TACR3: variants seen among roughly 807,000 people sequenced by gnomAD.
TACR3 encodes tachykinin receptor 3.
A neutral mutation model predicts 35.0 loss-of-function variants in TACR3; 34 were observed. The observed-to-expected ratio is 0.97, with a 90% CI of 0.74 to 1.30. The LOEUF (loss-of-function observed/expected upper bound fraction) is 1.30. TACR3 is among the 50% of genes most tolerant of loss of function. The pLI is 0.00. For synonymous variants in TACR3, 233 were observed against 221.1 expected (o/e 1.05, Z -0.48); for missense variants, 558 against 591.7 (o/e 0.94, Z 0.59).
At chr4:103,648,311 T>G (rs1725503383) in intron 3 of TACR3, among the ~76,000 whole-genome samples, 1 of 152,108 alleles carries the variant, frequency 6.6e-6, no homozygotes, top group Admixed American at 6.6e-5. Context: ...TTTTTAGTAA[T>G]TTTAAATGTA....
chr4:103,601,805 G>A (rs1724209014), intron 3 of TACR3, among the ~76,000 whole-genome samples: 10 of 152,140 alleles, frequency 6.6e-5, no homozygotes, highest in Admixed American at 6.5e-4. Flanking sequence ...CTTTCTCTCT[G>A]GCTGCGCTTA....
At chr4:103,669,375 A>T (rs1260527728) in intron 1 of TACR3, among the ~76,000 whole-genome samples, 1 of 152,134 alleles carries the variant, frequency 6.6e-6, no homozygotes, top group Admixed American at 6.6e-5. Context: ...ATATATATCT[A>T]GCACTGGGCT....
intron 1 of TACR3, among the ~76,000 whole-genome samples, chr4:103,701,241 CT>C (rs1414898305): frequency 6.6e-6 from 1 of 151,962 alleles, no homozygotes; most frequent in East Asian, 1.9e-4. Context: ...CACAAGCATT[CT>C]TATACACCAA....
At chr4:103,627,398 C>T (rs1014971700) in intron 3 of TACR3, among the ~76,000 whole-genome samples, 4 of 147,750 alleles carry the variant, frequency 2.7e-5, no homozygotes, top group African/African-American at 1.0e-4. Flanking sequence ...GTGGTGTGCA[C>T]CTATAATCCT....
Position 103,719,229 on chromosome 4 carries a change from G to C in TACR3, c.447C>G (p.Ser149Arg), listed in dbSNP as rs1387259014. The change falls in exon 1 of 5, where the codon AGC (serine) becomes AGG (arginine). Residue 149 changes from serine to arginine, a missense_variant. Physicochemically the swap from Ser to Arg is moderately radical, Grantham distance 110 (BLOSUM62 -1). Transcript: ENST00000304883. ...AGTAGTTGGCGCCAAAGTACCACTCGCTATGAAGCGCGTAGATGAAATTGA... is the reference window on the plus strand; with the variant it reads ...AGTAGTTGGCGCCAAAGTACCACTCCCTATGAAGCGCGTAGATGAAATTGA... ...TLVNFIYALH[S>R]EWYFGANYCR... 6.2e-6 allele frequency: 10 copies of C among 1,614,100 alleles called. No homozygotes were observed. The highest frequency in any genetic ancestry group is 8.5e-6 in the Non-Finnish European group (10 of 1,180,054).
chr4:103,600,028 T>C (rs2110289551), intron 3 of TACR3, among the ~76,000 whole-genome samples: 1 of 152,258 alleles, frequency 6.6e-6, no homozygotes, highest in Non-Finnish European at 1.5e-5. Flanking sequence ...TCAGAAGGAA[T>C]GGTATCAGCT....
intron 1 of TACR3, among the ~76,000 whole-genome samples, chr4:103,689,159 C>G (rs955305699): frequency 6.1e-5 from 9 of 147,596 alleles, no homozygotes; most frequent in African/African-American, 2.3e-4. Flanking sequence ...AACAAAAAAC[C>G]AAACACCGCA....
intron 1 of TACR3, among the ~76,000 whole-genome samples, chr4:103,704,952 C>T (rs765874763): frequency 1.3e-5 from 2 of 152,138 alleles, no homozygotes; most frequent in Admixed American, 6.5e-5. Context: ...TGGCTATATT[C>T]AAATATGTAA....
chr4:103,646,585 G>C (rs1314605780), intron 3 of TACR3, among the ~76,000 whole-genome samples: 2 of 151,940 alleles, frequency 1.3e-5, no homozygotes, highest in African/African-American at 4.8e-5. Flanking sequence ...GGCCAGTGTT[G>C]TAGATAGTTA....
At chr4:103,714,641 GTATAAC>G (rs1159001436) in intron 1 of TACR3, among the ~76,000 whole-genome samples, 11 of 152,100 alleles carry the variant, frequency 7.2e-5, no homozygotes, top group Admixed American at 2.0e-4. Flanking sequence ...AGTGAGTCAA[GTATAAC>G]TATAACACTA....
At chr4:103,695,186 A>G (rs988567877) in intron 1 of TACR3, among the ~76,000 whole-genome samples, 2 of 152,132 alleles carry the variant, frequency 1.3e-5, no homozygotes. Flanking sequence ...TCTTTTCAGT[A>G]TGTGTTTTCT....
intron 3 of TACR3, among the ~76,000 whole-genome samples, chr4:103,612,064 TTACCCTC>T (rs1275279140): frequency 6.6e-6 from 1 of 152,162 alleles, no homozygotes; most frequent in African/African-American, 2.4e-5. Flanking sequence ...GTAAAATAGA[TTACCCTC>T]TACTTAAAAT....
intron 1 of TACR3, among the ~76,000 whole-genome samples, chr4:103,695,867 C>T (rs1722510631): frequency 6.6e-6 from 1 of 152,076 alleles, no homozygotes; most frequent in Non-Finnish European, 1.5e-5. Flanking sequence ...TGAGTTATCA[C>T]AAATTATTTC....
chr4:103,639,455 G>C (rs545867868), intron 3 of TACR3, among the ~76,000 whole-genome samples: 2 of 152,116 alleles, frequency 1.3e-5, no homozygotes, highest in Non-Finnish European at 2.9e-5. Context: ...GTGGGGAGAG[G>C]GGGGAGGGAT....
chr4:103,695,991 C>A (rs757776469), intron 1 of TACR3, among the ~76,000 whole-genome samples: 2 of 151,978 alleles, frequency 1.3e-5, no homozygotes, highest in Non-Finnish European at 2.9e-5. Flanking sequence ...TTCTTTCTCC[C>A]TTTTTTTCTT....
chr4:103,617,100 C>G (rs1335857982), intron 3 of TACR3, among the ~76,000 whole-genome samples: 2 of 152,206 alleles, frequency 1.3e-5, no homozygotes, highest in East Asian at 3.9e-4. Context: ...TCACAATGTT[C>G]ACTAAGCAAC....
intron 1 of TACR3, among the ~76,000 whole-genome samples, chr4:103,711,111 A>G (rs1324995368): frequency 3.3e-5 from 5 of 152,340 alleles, no homozygotes; most frequent in African/African-American, 1.2e-4. Context: ...CAACCAGTAG[A>G]AAAAGAGGGA....
At chr4:103,668,769 A>T (rs1488444625) in intron 1 of TACR3, among the ~76,000 whole-genome samples, 1 of 151,670 alleles carries the variant, frequency 6.6e-6, no homozygotes, top group African/African-American at 2.4e-5. Context: ...GAATTGCTTG[A>T]ACTCGGGAAG....
intron 3 of TACR3, among the ~76,000 whole-genome samples, chr4:103,642,075 T>C (rs1725368074): frequency 6.6e-6 from 1 of 151,816 alleles, no homozygotes; most frequent in Non-Finnish European, 1.5e-5. Context: ...CTATAGTTAA[T>C]AACAATGTAT....
Sources: gnomAD v4.1 joint callset for allele counts (sites outside exome capture counted in the v4.1 genomes callset) on GRCh38, gnomAD v4.1.1 for gene constraint, MANE v1.5 for transcripts, NCBI Gene and HGNC (gene_info 2026-07-23, HGNC 2026-07-21) for gene names.